Variants in SLC24A4 observed in about 807,000 individuals in gnomAD.
SLC24A4 encodes the protein solute carrier family 24 member 4, also known as sodium/potassium/calcium exchanger 4.
A neutral mutation model predicts 79.0 loss-of-function variants in SLC24A4; 53 were observed. The ratio of observed to expected loss-of-function variants is 0.67; its 90% CI spans 0.54 to 0.84. SLC24A4 has a LOEUF of 0.84. Among genes scored for constraint, SLC24A4 ranks in the 40% least tolerant of loss-of-function variants. The pLI is 0.00. For missense variants in SLC24A4, 731 were observed against 822.0 expected (o/e 0.89, Z 1.35); for synonymous variants, 323 against 323.8 (o/e 1.00, Z 0.03).
intron 2 of SLC24A4, among the ~76,000 whole-genome samples, chr14:92,370,877 C>A (rs2141686452): frequency 6.6e-6 from 1 of 152,266 alleles, no homozygotes; most frequent in South Asian, 2.1e-4. Context: ...GGATCTAGAA[C>A]CGGAGCGGCA....
chr14:92,474,783 ATG>A (rs1379992235), intron 12 of SLC24A4, among the ~76,000 whole-genome samples: 3 of 90,076 alleles, frequency 3.3e-5, no homozygotes, highest in African/African-American at 7.6e-5. Context: ...GTGTATATAT[ATG>A]TGTGTGTGTA....
intron 2 of SLC24A4, among the ~76,000 whole-genome samples, chr14:92,410,164 A>T (rs907200638): frequency 3.3e-5 from 5 of 152,158 alleles, no homozygotes; most frequent in African/African-American, 1.2e-4. Flanking sequence ...AGCTTCACAC[A>T]TACCCCCAAA....
intron 6 of SLC24A4, 152 bp from the exon 7 acceptor site, chr14:92,443,248 C>G (rs1892603160): frequency 5.6e-6 from 4 of 717,006 alleles, no homozygotes; most frequent in African/African-American, 1.7e-5. Context: ...TCATTCTGTT[C>G]CCCAAATTAT....
At chr14:92,388,454 C>A (rs973411639) in intron 2 of SLC24A4, among the ~76,000 whole-genome samples, 2 of 147,474 alleles carry the variant, frequency 1.4e-5, no homozygotes, top group South Asian at 4.2e-4. Context: ...CTCCAAAGCT[C>A]CCAGTGGCCG....
intron 2 of SLC24A4, among the ~76,000 whole-genome samples, chr14:92,356,604 G>A (rs1887193512): frequency 6.6e-6 from 1 of 152,218 alleles, no homozygotes; most frequent in South Asian, 2.1e-4. Flanking sequence ...CAATGCCTAG[G>A]TTGTTGTAAG....
rs77540972 is a variant in SLC24A4 at position 92,423,741 on chromosome 14, C to T, written c.242-10171C>T. On this transcript the variant is annotated intron_variant, in intron 2 of 16. Transcript: ENST00000532405. The stretch of plus-strand genomic sequence containing the variant: ...CAGGCAAGGGAGCCGGGAGGCTTCA[C>T]AGCAGGGAAGAAAGGGCAGGCTTCA... Among the ~76,000 whole-genome samples, 54 of 152,324 alleles carry T rather than the reference C, an allele frequency of 3.5e-4. 2 individuals carry two copies. In the East Asian group the frequency reaches 0.01, roughly 29 times the overall value.
Position 92,483,801 on chromosome 14 carries a change from C to T in SLC24A4, c.1422+955C>T, listed in dbSNP as rs777137846. On this transcript the variant is annotated intron_variant, in intron 13 of 16. Transcript: ENST00000532405. ...TGTGAAACTCACTCTCAGCCCCTTA[C>T]ACCCTAGTGGTTAACATCGAGTCCC... 3.9e-6 allele frequency: 5 copies of T among 1,290,070 alleles called. No individual in the cohort carries two copies. In the South Asian group the frequency reaches 4.9e-5, roughly 13 times the overall value. 79.9% of individuals were successfully genotyped at this position (1,290,070 alleles called of 1,614,324 possible).
rs1045474098 is a variant in SLC24A4, at chr14:92,323,376, A to C, written c.-455A>C. On this transcript the variant is annotated 5_prime_UTR_variant, in exon 1 of 17. Coordinates refer to ENST00000532405, the MANE Select transcript of SLC24A4 (RefSeq NM_153646.4). The surrounding 1 kb of genome is among the most constrained non-coding windows in gnomAD (Gnocchi z 4.9). ...TGGCAGCCGGGGCGGCCGCCGCCAA[A>C]CTTGGAGGAGGAGGATGCTGCGAGT... is the stretch of plus-strand genomic sequence containing the variant. The C allele has an allele frequency of 2.0e-5, 3 of 152,444 alleles. No homozygotes were observed. Among genetic ancestry groups the C allele is most frequent in the African/African-American group, 7.2e-5 (3 of 41,388 alleles). The allele number at this position is 152,444 out of a possible 1,614,324, so 9.4% of individuals were successfully genotyped here.
chr14:92,343,580 TTTTCTTTCTTTC>T lies in SLC24A4; in HGVS notation c.241+17652_241+17663del, dbSNP rs376436087. On this transcript the variant is annotated intron_variant, in intron 2 of 16. Transcript: ENST00000532405. ...CAAGCTGCTCACTCATTAATTACTG[TTTTCTTTCTTTC>T]TTTCTTTCTTTCTTTCTTTCTTTCT... Among the ~76,000 whole-genome samples, 577 of 85,124 alleles carry T rather than the reference TTTTCTTTCTTTC, an allele frequency of 6.8e-3. 23 individuals carry two copies. The highest frequency in any genetic ancestry group is 7.9e-3 in the African/African-American group (181 of 22,924). 55.8% of individuals were successfully genotyped at this position (85,124 alleles called of 152,430 possible).
chr14:92,466,036 G>A (rs973804552), intron 12 of SLC24A4, among the ~76,000 whole-genome samples: 1 of 152,128 alleles, frequency 6.6e-6, no homozygotes, highest in African/African-American at 2.4e-5. Flanking sequence ...TGCCCTGAGG[G>A]TCATCAAAAC....
intron 2 of SLC24A4, 104 bp from the exon 3 acceptor site, chr14:92,433,808 C>T (rs946437416): frequency 5.5e-5 from 51 of 935,646 alleles, no homozygotes; most frequent in African/African-American, 1.3e-4. Flanking sequence ...CAGTCCAAAG[C>T]GAGGTGGGCT....
chr14:92,417,912 C>T (rs61977269), intron 2 of SLC24A4, among the ~76,000 whole-genome samples: 10,464 of 152,270 alleles, frequency 0.069, 446 homozygotes, highest in East Asian at 0.095. Context: ...AGCAGTGAAA[C>T]TGCCTAACAC....
In SLC24A4 at chr14:92,500,045, T is replaced by C. The variant is rs1366851940; in HGVS notation, c.*6417T>C. Reference sequence around the variant, plus strand: ...TGGTACAGACAGGGTTTCACCGTGTTAGCCAGGATGGTCTTGATCTCCTGA... The same window carrying C: ...TGGTACAGACAGGGTTTCACCGTGTCAGCCAGGATGGTCTTGATCTCCTGA... On this transcript the variant is annotated 3_prime_UTR_variant, in exon 17 of 17. Transcript: ENST00000532405. 2 of 150,604 alleles carry C rather than the reference T, an allele frequency of 1.3e-5. No individual in the cohort carries two copies. Among genetic ancestry groups the C allele is most frequent in the East Asian group, 3.9e-4 (2 of 5,066 alleles). 9.3% of individuals were successfully genotyped at this position (150,604 alleles called of 1,614,324 possible).
chr14:92,407,987 G>A (rs1049747120), intron 2 of SLC24A4, among the ~76,000 whole-genome samples: 2 of 151,006 alleles, frequency 1.3e-5, no homozygotes, highest in African/African-American at 4.9e-5. Context: ...GTCATGGGAT[G>A]TTCATATGGT....
At chr14:92,332,854 G>A (rs1885556687) in intron 2 of SLC24A4, among the ~76,000 whole-genome samples, 1 of 152,202 alleles carries the variant, frequency 6.6e-6, no homozygotes, top group Non-Finnish European at 1.5e-5. Context: ...TTTTCTGAGG[G>A]CAAGTTAACA....
At chr14:92,361,771 C>T (rs1887541758) in intron 2 of SLC24A4, among the ~76,000 whole-genome samples, 1 of 151,834 alleles carries the variant, frequency 6.6e-6, no homozygotes, top group Non-Finnish European at 1.5e-5. Flanking sequence ...GGATGGTGGG[C>T]GCTGGTGTGG....
At chr14:92,482,533 G>A in intron 12 of SLC24A4, 147 bp from the exon 13 acceptor site, 2 of 660,966 alleles carry the variant, frequency 3.0e-6, no homozygotes, top group Non-Finnish European at 5.0e-6. Flanking sequence ...ATGGAGTTCT[G>A]TGATTCTGCA....
At chr14:92,482,311 T>C (rs12881952) in intron 12 of SLC24A4, among the ~76,000 whole-genome samples, 138,459 of 152,278 alleles carry the variant, frequency 0.91, 63,931 homozygotes, top group Non-Finnish European at 0.99. Context: ...GGAAGTAGAG[T>C]TGGGATTCTC....
At chr14:92,455,699 T>C (rs565013576) in intron 11 of SLC24A4, among the ~76,000 whole-genome samples, 7 of 151,942 alleles carry the variant, frequency 4.6e-5, no homozygotes, top group African/African-American at 1.4e-4. Context: ...ATCATTAATC[T>C]GTGCACTTAG....
Sources: allele counts gnomAD v4.1 joint callset (sites outside exome capture counted in the v4.1 genomes callset), GRCh38; gene constraint gnomAD v4.1.1; non-coding constraint Gnocchi (gnomAD v3.1); transcripts MANE v1.5; gene names NCBI Gene and HGNC (gene_info 2026-07-23, HGNC 2026-07-21).